FOXP1: variants seen among roughly 807,000 people sequenced by gnomAD.
FOXP1 encodes forkhead box protein P1.
Under a neutral mutation model 98.2 loss-of-function variants are expected in FOXP1, and 15 were observed. The ratio of observed to expected loss-of-function variants is 0.15; its 90% CI spans 0.10 to 0.24. The LOEUF is 0.24. Ranked by LOEUF, FOXP1 falls within the 10% of genes least tolerant of loss-of-function variation. FOXP1 has a pLI of 1.00. For synonymous variants in FOXP1, 371 were observed against 314.5 expected, an observed-to-expected ratio of 1.18 and a Z score of -1.90; for missense variants, 633 against 848.5, an observed-to-expected ratio of 0.75 and a Z score of 3.15.
intron 20 of FOXP1, among the ~76,000 whole-genome samples, chr3:70,964,435 C>T (rs1311175602): frequency 1.3e-5 from 2 of 152,194 alleles, no homozygotes; most frequent in Non-Finnish European, 2.9e-5. Context: ...TATATGTCAA[C>T]AAAAACTTGG....
At chr3:71,292,990 T>C (rs2072918838) in intron 5 of FOXP1, among the ~76,000 whole-genome samples, 1 of 152,232 alleles carries the variant, frequency 6.6e-6, no homozygotes, top group Non-Finnish European at 1.5e-5. Context: ...AACTTTTAAA[T>C]GGGCTCATAA....
At chr3:71,099,371 G>GCCCA (rs2056760350) in intron 7 of FOXP1, among the ~76,000 whole-genome samples, 1 of 152,086 alleles carries the variant, frequency 6.6e-6, no homozygotes, top group Non-Finnish European at 1.5e-5. Flanking sequence ...AATTGGCTGG[G>GCCCA]CGTGGTGGTG....
At chr3:71,440,449 G>A (rs1006444127) in intron 3 of FOXP1, among the ~76,000 whole-genome samples, 4 of 152,114 alleles carry the variant, frequency 2.6e-5, no homozygotes, top group South Asian at 2.1e-4. Flanking sequence ...AAGCTGAGGC[G>A]GGCAGATCAC....
At chr3:71,487,792 C>T (rs556506812) in intron 3 of FOXP1, among the ~76,000 whole-genome samples, 3 of 152,172 alleles carry the variant, frequency 2.0e-5, no homozygotes, top group East Asian at 1.9e-4. Context: ...TGTATAATCC[C>T]GTAAGGGGCT....
At chr3:71,561,050 G>A (rs1559532124) in intron 2 of FOXP1, among the ~76,000 whole-genome samples, 1 of 152,024 alleles carries the variant, frequency 6.6e-6, no homozygotes, top group South Asian at 2.1e-4. Flanking sequence ...GTTGAATTGT[G>A]TACTTTTTTG....
chr3:71,377,552 C>A (rs150110115), intron 3 of FOXP1, among the ~76,000 whole-genome samples: 4 of 152,030 alleles, frequency 2.6e-5, no homozygotes, highest in Admixed American at 6.6e-5. Context: ...ACTAAATAAC[C>A]CCCCCAAGGT....
At chr3:71,400,656 C>A (rs1023620771) in intron 3 of FOXP1, among the ~76,000 whole-genome samples, 1 of 152,134 alleles carries the variant, frequency 6.6e-6, no homozygotes, top group African/African-American at 2.4e-5. Context: ...CACGGCCAGC[C>A]AATTTATGTG....
At chr3:71,088,136 C>T (rs149127293) in intron 7 of FOXP1, among the ~76,000 whole-genome samples, 6 of 152,288 alleles carry the variant, frequency 3.9e-5, no homozygotes, top group African/African-American at 1.2e-4. Context: ...CTGGAAATTG[C>T]GAAAGAGCAA....
chr3:71,043,883 C>G (rs1222684528), intron 10 of FOXP1, among the ~76,000 whole-genome samples: 2 of 151,904 alleles, frequency 1.3e-5, no homozygotes, highest in African/African-American at 2.4e-5. Context: ...TTACTCTACT[C>G]TCCCATCTAT....
At chr3:71,226,796 C>A (rs953874700) in intron 5 of FOXP1, among the ~76,000 whole-genome samples, 1 of 152,116 alleles carries the variant, frequency 6.6e-6, no homozygotes, top group Non-Finnish European at 1.5e-5. Context: ...ACTCCCCGCA[C>A]GCACTACCTT....
chr3:71,177,130 CA>C (rs2061990207), intron 6 of FOXP1, among the ~76,000 whole-genome samples: 1 of 152,092 alleles, frequency 6.6e-6, no homozygotes. Flanking sequence ...GTTTTAGAAA[CA>C]GATGGAATCA....
intron 5 of FOXP1, among the ~76,000 whole-genome samples, chr3:71,279,107 T>C (rs2071229040): frequency 6.9e-6 from 1 of 145,222 alleles, no homozygotes; most frequent in Non-Finnish European, 1.5e-5. Flanking sequence ...TCAGGAGAAT[T>C]GCTTGAAACT....
chr3:71,241,707 T>G (rs1428709945), intron 5 of FOXP1, among the ~76,000 whole-genome samples: 2 of 152,246 alleles, frequency 1.3e-5, no homozygotes, highest in Non-Finnish European at 2.9e-5. Flanking sequence ...ATGTACAGTA[T>G]GCAAATGAGA....
chr3:71,517,286 G>T (rs971386158), intron 2 of FOXP1, among the ~76,000 whole-genome samples: 25 of 152,158 alleles, frequency 1.6e-4, no homozygotes, highest in Middle Eastern at 3.2e-3. Context: ...GCATTGAAGA[G>T]AAGGCAATAA....
At chr3:70,998,576 G>C (rs745397776) in intron 13 of FOXP1, among the ~76,000 whole-genome samples, 1 of 152,040 alleles carries the variant, frequency 6.6e-6, no homozygotes, top group Non-Finnish European at 1.5e-5. Context: ...AAAACATTAC[G>C]AGGAACATCA....
At chr3:71,008,828 T>C (rs1366617026) in intron 12 of FOXP1, among the ~76,000 whole-genome samples, 1 of 152,056 alleles carries the variant, frequency 6.6e-6, no homozygotes, top group Non-Finnish European at 1.5e-5. Context: ...GGTTTTGATT[T>C]ACCAACAGTT....
At chr3:71,491,010 T>A (rs1202557027) in intron 3 of FOXP1, among the ~76,000 whole-genome samples, 1 of 149,906 alleles carries the variant, frequency 6.7e-6, no homozygotes, top group East Asian at 1.9e-4. Flanking sequence ...AAGATATGAC[T>A]TTTTTTATTA....
intron 2 of FOXP1, among the ~76,000 whole-genome samples, chr3:71,565,232 CA>C (rs1245695287): frequency 6.6e-6 from 1 of 152,162 alleles, no homozygotes; most frequent in Non-Finnish European, 1.5e-5. Context: ...ATGATGGCTT[CA>C]CGGGCTTCAG....
chr3:71,019,465 A>C (rs922572427), intron 11 of FOXP1, among the ~76,000 whole-genome samples: 1 of 152,150 alleles, frequency 6.6e-6, no homozygotes, highest in African/African-American at 2.4e-5. Context: ...TTTACCACAA[A>C]CTCCCAGGTT....
Sources: gnomAD v4.1 joint callset for allele counts (sites outside exome capture counted in the v4.1 genomes callset) on GRCh38, gnomAD v4.1.1 for gene constraint, MANE v1.5 for transcripts, NCBI Gene and HGNC (gene_info 2026-07-23, HGNC 2026-07-21) for gene names.